Variants in WDFY2 observed in about 807,000 individuals in gnomAD.
WDFY2 encodes WD repeat and FYVE domain containing 2.
In WDFY2, 36 loss-of-function variants were observed where a neutral mutation model predicts 56.4. The observed-to-expected ratio is 0.64, with a 90% CI of 0.49 to 0.84. The LOEUF (loss-of-function observed/expected upper bound fraction) is 0.84, where lower values mean the gene tolerates loss of function less well. Ranked by LOEUF, WDFY2 falls within the 40% of genes least tolerant of loss-of-function variation. The pLI is 0.00. For synonymous variants in WDFY2, 176 were observed against 183.7 expected, an observed-to-expected ratio of 0.96 and a Z score of 0.34; for missense variants, 444 against 512.2, an observed-to-expected ratio of 0.87 and a Z score of 1.29.
chr13:51,646,993 C>T (rs1055811806), intron 1 of WDFY2, among the ~76,000 whole-genome samples: 1 of 152,030 alleles, frequency 6.6e-6, no homozygotes, highest in African/African-American at 2.4e-5. Context: ...GACTTTTTTT[C>T]CTTTATTATT....
intron 1 of WDFY2, among the ~76,000 whole-genome samples, chr13:51,650,448 A>G (rs558449680): frequency 6.6e-6 from 1 of 152,158 alleles, no homozygotes; most frequent in Non-Finnish European, 1.5e-5. Flanking sequence ...CTTCAACACT[A>G]TGTTGAATAG....
intron 1 of WDFY2, among the ~76,000 whole-genome samples, chr13:51,602,504 T>C (rs1954306301): frequency 1.3e-5 from 2 of 152,238 alleles, no homozygotes; most frequent in African/African-American, 4.8e-5. Flanking sequence ...AGTTTATTTT[T>C]CTCACATAAC....
At chr13:51,614,013 C>T (rs1217077691) in intron 1 of WDFY2, among the ~76,000 whole-genome samples, 1 of 151,732 alleles carries the variant, frequency 6.6e-6, no homozygotes, top group African/African-American at 2.4e-5. Flanking sequence ...AGTGAAACCC[C>T]GTTTCTACTA....
chr13:51,620,563 T>C (rs745463395), intron 1 of WDFY2, among the ~76,000 whole-genome samples: 1 of 152,098 alleles, frequency 6.6e-6, no homozygotes, highest in Non-Finnish European at 1.5e-5. Flanking sequence ...CACTGTGGGC[T>C]CTCAACCCAT....
chr13:51,626,867 C>T (rs1954843494), intron 1 of WDFY2, among the ~76,000 whole-genome samples: 1 of 152,176 alleles, frequency 6.6e-6, no homozygotes, highest in Admixed American at 6.5e-5. Flanking sequence ...CTGCTGGGCT[C>T]ATTCCACCCA....
intron 6 of WDFY2, among the ~76,000 whole-genome samples, chr13:51,728,254 A>G (rs1420575242): frequency 2.6e-5 from 4 of 152,204 alleles, no homozygotes; most frequent in Admixed American, 2.6e-4. Flanking sequence ...AGACTTTGTG[A>G]AAAAGGTCAA....
chr13:51,676,197 G>T (rs1316746110), intron 3 of WDFY2, among the ~76,000 whole-genome samples: 1 of 152,136 alleles, frequency 6.6e-6, no homozygotes, highest in Non-Finnish European at 1.5e-5. Context: ...CTTTTTCCTA[G>T]ATGTGTCCTT....
intron 2 of WDFY2, among the ~76,000 whole-genome samples, chr13:51,666,233 C>T (rs1566094418): frequency 6.6e-6 from 1 of 152,236 alleles, no homozygotes; most frequent in African/African-American, 2.4e-5. Flanking sequence ...TGTTAGCCCT[C>T]TGCAGAAATG....
chr13:51,764,462 G>A lies in WDFY2; in HGVS notation c.*4693G>A, dbSNP rs753580712. 1 of 153,078 alleles carries A rather than the reference G, an allele frequency of 6.5e-6. No individual in the cohort carries two copies. The highest frequency in any genetic ancestry group is 1.5e-5 in the Non-Finnish European group (1 of 68,170). The allele number at this position is 153,078 out of a possible 1,614,324, so 9.5% of individuals were successfully genotyped here. A position where few individuals can be genotyped will look rare whatever the true frequency, so the allele number is the denominator to read the frequency against. On this transcript the variant is annotated 3_prime_UTR_variant, in exon 12 of 12. Transcript: ENST00000298125. ...TCAGAAACAGCATAAACAAACAAAGGCCTGAGAGCTGGAGTCAGTGTGGTG... is the reference window on the plus strand; with the variant it reads ...TCAGAAACAGCATAAACAAACAAAGACCTGAGAGCTGGAGTCAGTGTGGTG...
In WDFY2 at chr13:51,661,518, C is replaced by G. The variant is rs543681596; in HGVS notation, c.205+855C>G. ...TGGCTTGCTGCAGTGTACCTCATCT[C>G]TTGATATAAGTATCCCAGTCTCAGA... On this transcript the variant is annotated intron_variant, in intron 2 of 11. Transcript: ENST00000298125. Among the ~76,000 whole-genome samples the G allele has an allele frequency of 9.7e-4, 148 of 152,280 alleles. 1 individual carries two copies. Among genetic ancestry groups the G allele is most frequent in the Non-Finnish European group, 1.9e-3 (128 of 68,020 alleles).
chr13:51,700,627 A>C (rs1021199185), intron 3 of WDFY2, among the ~76,000 whole-genome samples: 46 of 152,264 alleles, frequency 3.0e-4, no homozygotes, highest in Non-Finnish European at 1.2e-4. Context: ...TAATATTTTC[A>C]GTAAGGAAAA....
chr13:51,758,715 A>G (rs1419785117), intron 11 of WDFY2, among the ~76,000 whole-genome samples: 1 of 152,192 alleles, frequency 6.6e-6, no homozygotes, highest in African/African-American at 2.4e-5. Context: ...GGACAGACTA[A>G]AAAGACTGTA....
At chr13:51,638,503 T>G (rs1353988836) in intron 1 of WDFY2, among the ~76,000 whole-genome samples, 1 of 152,162 alleles carries the variant, frequency 6.6e-6, no homozygotes, top group African/African-American at 2.4e-5. Context: ...AACTCTTAGA[T>G]GGATTGATTT....
intron 1 of WDFY2, among the ~76,000 whole-genome samples, chr13:51,646,595 T>G (rs1340957394): frequency 6.6e-6 from 1 of 152,190 alleles, no homozygotes; most frequent in Non-Finnish European, 1.5e-5. Context: ...TACCAGTACC[T>G]AGTAGGTGTT....
Position 51,759,787 on chromosome 13 carries a change from A to G in WDFY2, c.*18A>G. Reference sequence around the variant, plus strand: ...TGTCTTGATGACTCTCCCAGGAATCAGAAAGATAGTATTTACTAAAGAAAC... The same window carrying G: ...TGTCTTGATGACTCTCCCAGGAATCGGAAAGATAGTATTTACTAAAGAAAC... On this transcript the variant is annotated 3_prime_UTR_variant, in exon 12 of 12. Coordinates refer to ENST00000298125, the MANE Select transcript of WDFY2 (RefSeq NM_052950.4). The G allele has an allele frequency of 6.2e-7, 1 of 1,613,420 alleles. No homozygotes were observed. Among genetic ancestry groups the G allele is most frequent in the Non-Finnish European group, 8.5e-7 (1 of 1,179,472 alleles).
rs557525760 is a variant in WDFY2 at position 51,584,567 on chromosome 13, C to T, written c.-121C>T. 1.2e-5 allele frequency: 16 copies of T among 1,355,598 alleles called. No individual in the cohort carries two copies. The East Asian group carries it at 2.8e-4, about 24-fold the overall frequency. 84.0% of individuals were successfully genotyped at this position (1,355,598 alleles called of 1,614,324 possible). On this transcript the variant is annotated 5_prime_UTR_variant, in exon 1 of 12. Transcript: ENST00000298125. ...CGGCCAGGCTATGCTCGCCGGTTTC[C>T]GGCGTTCCGCTCCGGCCAGCCAGAG...
intron 1 of WDFY2, among the ~76,000 whole-genome samples, chr13:51,644,077 G>A (rs941358165): frequency 6.6e-5 from 10 of 150,670 alleles, no homozygotes; most frequent in African/African-American, 2.2e-4. Flanking sequence ...GGCTTCATAG[G>A]GAAAGTGGAT....
intron 1 of WDFY2, chr13:51,592,008 G>C (rs1375037020): frequency 7.4e-6 from 1 of 135,262 alleles, no homozygotes; most frequent in Non-Finnish European, 1.6e-5. Context: ...GGGGGGAGGG[G>C]GGAGGGATAG....
At chr13:51,586,274 T>G (rs1953934285) in intron 1 of WDFY2, 1 of 385,592 alleles carries the variant, frequency 2.6e-6, no homozygotes, top group Non-Finnish European at 4.6e-6. Flanking sequence ...AAGGAATATA[T>G]TGGTAGATGT....
Sources: gnomAD v4.1 joint callset for allele counts (sites outside exome capture counted in the v4.1 genomes callset) on GRCh38, gnomAD v4.1.1 for gene constraint, MANE v1.5 for transcripts, NCBI Gene and HGNC (gene_info 2026-07-23, HGNC 2026-07-21) for gene names.